Variants in NCKAP1 observed in about 807,000 individuals in gnomAD.
NCKAP1 encodes nck-associated protein 1.
A neutral mutation model predicts 151.2 loss-of-function variants in NCKAP1; 21 were observed. That is an observed-to-expected ratio of 0.14 (90% confidence interval 0.10 to 0.20). The LOEUF (loss-of-function observed/expected upper bound fraction) is 0.20, where lower values mean the gene tolerates loss of function less well. Ranked by LOEUF, NCKAP1 falls within the 10% of genes least tolerant of loss-of-function variation. The pLI, the probability that NCKAP1 is intolerant of heterozygous loss-of-function variation, is 1.00. For synonymous variants in NCKAP1, 484 were observed against 451.8 expected (o/e 1.07, Z -0.90); for missense variants, 933 against 1,352.1 (o/e 0.69, Z 4.86).
At chr2:182,945,014 C>T (rs1575021404) in intron 23 of NCKAP1, among the ~76,000 whole-genome samples, 1 of 152,126 alleles carries the variant, frequency 6.6e-6, no homozygotes, top group Admixed American at 6.5e-5. Context: ...GTGGGCGGAT[C>T]ACCTGAGGTC....
At chr2:183,001,771 T>G (rs1698378926) in intron 6 of NCKAP1, among the ~76,000 whole-genome samples, 182 bp downstream of exon 6, 2 of 152,172 alleles carry the variant, frequency 1.3e-5, no homozygotes, top group African/African-American at 4.8e-5. Context: ...CTTGAGTCTC[T>G]ATACACTATT....
chr2:182,946,668 T>C (rs1185249213), intron 23 of NCKAP1, among the ~76,000 whole-genome samples: 1 of 143,502 alleles, frequency 7.0e-6, no homozygotes, highest in Non-Finnish European at 1.5e-5. Flanking sequence ...TAGAGAATTT[T>C]AAATGTCTAA....
At chr2:183,022,638 A>C (rs777158030) in intron 2 of NCKAP1, among the ~76,000 whole-genome samples, 1 of 152,154 alleles carries the variant, frequency 6.6e-6, no homozygotes, top group African/African-American at 2.4e-5. Flanking sequence ...ACAATCTTTT[A>C]TGAAACCTCT....
intron 1 of NCKAP1, among the ~76,000 whole-genome samples, chr2:183,029,656 C>G (rs1698967596): frequency 6.6e-6 from 1 of 151,388 alleles, no homozygotes; most frequent in Admixed American, 6.6e-5. Context: ...CCTGTCTCTA[C>G]AAAATGTTTA....
At chr2:182,966,711 G>A (rs987862642) in intron 16 of NCKAP1, among the ~76,000 whole-genome samples, 2 of 152,178 alleles carry the variant, frequency 1.3e-5, no homozygotes, top group African/African-American at 4.8e-5. Context: ...TTTCTGGGAG[G>A]AAGAGAGGGA....
chr2:182,961,549 A>G (rs1697452561), intron 18 of NCKAP1, among the ~76,000 whole-genome samples: 1 of 152,064 alleles, frequency 6.6e-6, no homozygotes, highest in Non-Finnish European at 1.5e-5. Flanking sequence ...TGGACACAGG[A>G]AGGGGAACAT....
Position 182,921,655 on chromosome 2 carries a change from T to C in NCKAP1, c.*4047A>G, listed in dbSNP as rs1696551370. 1 of 152,242 alleles carries C rather than the reference T, an allele frequency of 6.6e-6. No individual in the cohort carries two copies. 9.4% of individuals were successfully genotyped at this position (152,242 alleles called of 1,614,324 possible). On this transcript the variant is annotated 3_prime_UTR_variant, in exon 31 of 31. Transcript: ENST00000361354. ...ACATGGCCCTCTGTGGCTAGGATCC[T>C]AACTTCAGATTGCTAATTTATCCCA...
intron 1 of NCKAP1, among the ~76,000 whole-genome samples, chr2:183,032,211 T>C (rs1699017082): frequency 6.6e-6 from 1 of 152,150 alleles, no homozygotes; most frequent in African/African-American, 2.4e-5. Flanking sequence ...AAATAACTTG[T>C]TCAAACTAAA....
intron 23 of NCKAP1, among the ~76,000 whole-genome samples, chr2:182,949,735 C>T (rs547045210): frequency 6.6e-6 from 1 of 152,306 alleles, no homozygotes; most frequent in Non-Finnish European, 1.5e-5. Context: ...GCCAAGCTGG[C>T]AGTGAGTCAT....
At chr2:183,012,621 CTTT>C (rs1195286454) in intron 2 of NCKAP1, among the ~76,000 whole-genome samples, 4 of 136,350 alleles carry the variant, frequency 2.9e-5, no homozygotes, top group Admixed American at 7.4e-5. Flanking sequence ...CCCCTTACGC[CTTT>C]TTTTTTTTTT....
At chr2:182,946,803 G>A (rs571601378) in intron 23 of NCKAP1, among the ~76,000 whole-genome samples, 91 of 150,290 alleles carry the variant, frequency 6.1e-4, no homozygotes, top group Non-Finnish European at 1.1e-3. Context: ...ACAAATTCCT[G>A]GAAGATGGAA....
At chr2:183,002,307 T>A in intron 4 of NCKAP1, 38 bp from the exon 5 acceptor site, 2 of 1,362,742 alleles carry the variant, frequency 1.5e-6, no homozygotes, top group East Asian at 4.7e-5. Flanking sequence ...TACTTCCTAT[T>A]TCTTAAAATT....
intron 27 of NCKAP1, 85 bp downstream of exon 27, chr2:182,930,610 A>G: frequency 2.9e-6 from 3 of 1,027,536 alleles, no homozygotes; most frequent in Non-Finnish European, 4.4e-6. Flanking sequence ...CAGGCATTTG[A>G]ATATATGGTT....
chr2:182,933,389 ATT>A (rs35213776), intron 26 of NCKAP1, among the ~76,000 whole-genome samples: 3 of 123,992 alleles, frequency 2.4e-5, no homozygotes, highest in Admixed American at 8.7e-5. Flanking sequence ...GTGGCACCAC[ATT>A]TTTTTTTTTT....
At chr2:183,009,523 C>G (rs1039478342) in intron 2 of NCKAP1, among the ~76,000 whole-genome samples, 1 of 151,568 alleles carries the variant, frequency 6.6e-6, no homozygotes, top group Non-Finnish European at 1.5e-5. Flanking sequence ...TATCCTAACA[C>G]TAGCCTAGTA....
rs1696510262 is a variant in NCKAP1, at chr2:182,919,108, G to T, written c.*6594C>A. 6.6e-6 allele frequency: 1 copy of T among 152,168 alleles called. No individual in the cohort carries two copies. Among genetic ancestry groups the T allele is most frequent in the Non-Finnish European group, 1.5e-5 (1 of 68,020 alleles). 9.4% of individuals were successfully genotyped at this position (152,168 alleles called of 1,614,324 possible). A position where few individuals can be genotyped will look rare whatever the true frequency, so the allele number is the denominator to read the frequency against. On this transcript the variant is annotated 3_prime_UTR_variant, in exon 31 of 31. Coordinates refer to ENST00000361354, the MANE Select transcript of NCKAP1 (RefSeq NM_013436.5). ...AGAGGTTTGAATTAGAGAAAACAGA[G>T]TATCTGGTACACAATGGGCTTTCAA...
chr2:182,971,066 C>T (rs920210702), intron 15 of NCKAP1, among the ~76,000 whole-genome samples: 1 of 151,878 alleles, frequency 6.6e-6, no homozygotes, highest in Non-Finnish European at 1.5e-5. Context: ...AAGCTATAAA[C>T]ATTGATGAAG....
At chr2:182,933,645 G>GCTCAA (rs1481864656) in intron 26 of NCKAP1, among the ~76,000 whole-genome samples, 1 of 151,918 alleles carries the variant, frequency 6.6e-6, no homozygotes, top group Non-Finnish European at 1.5e-5. Flanking sequence ...CACCCACCTT[G>GCTCAA]CTCAGGTGAT....
chr2:183,012,210 A>C (rs1337445279), intron 2 of NCKAP1, among the ~76,000 whole-genome samples: 1 of 152,232 alleles, frequency 6.6e-6, no homozygotes, highest in Non-Finnish European at 1.5e-5. Flanking sequence ...TAAAAACAAA[A>C]TCTACACATT....
Sources: gnomAD v4.1 joint callset for allele counts (sites outside exome capture counted in the v4.1 genomes callset) on GRCh38, gnomAD v4.1.1 for gene constraint, MANE v1.5 for transcripts, NCBI Gene and HGNC (gene_info 2026-07-23, HGNC 2026-07-21) for gene names.